The following LOXHD1 variants were observed in gnomAD, a reference collection of about 807,000 sequenced individuals.
The protein encoded by LOXHD1 is lipoxygenase homology domain-containing protein 1.
LOXHD1 carries 205 observed loss-of-function variants against 248.2 expected under a neutral mutation model. That is an observed-to-expected ratio of 0.83 (90% CI 0.74 to 0.93). The LOEUF (loss-of-function observed/expected upper bound fraction) is 0.93. Among genes scored for constraint, LOXHD1 ranks in the 40% least tolerant of loss-of-function variants. The pLI, the probability that LOXHD1 is intolerant of heterozygous loss-of-function variation, is 0.00. For missense variants in LOXHD1, 2,930 were observed against 2,971.6 expected (o/e 0.99, Z 0.33); for synonymous variants, 1,113 against 1,162.8 (o/e 0.96, Z 0.87).
chr18:46,534,498 A>G (rs889147978), intron 26 of LOXHD1, 47 bp from the exon 27 acceptor site: 4 of 1,450,300 alleles, frequency 2.8e-6, no homozygotes, highest in Non-Finnish European at 3.8e-6. Flanking sequence ...AAGATCCAGG[A>G]AAGTATGGCC....
chr18:46,631,262 T>C lies in LOXHD1; in HGVS notation c.511+8354A>G, dbSNP rs143217974. 2.2e-3 allele frequency among the ~76,000 whole-genome samples: 339 copies of C among 152,182 alleles called. 3 individuals carry two copies. Among genetic ancestry groups the C allele is most frequent in the Non-Finnish European group, 3.2e-3 (221 of 68,012 alleles). On this transcript the variant is annotated intron_variant, in intron 4 of 40. Transcript: ENST00000642948. Reference sequence around the variant, plus strand: ...ATTAGGAAGTTAGAGCCCTGAAATATGGTATTTCTTGGCAATGTATCCATC... The same window carrying C: ...ATTAGGAAGTTAGAGCCCTGAAATACGGTATTTCTTGGCAATGTATCCATC...
intron 5 of LOXHD1, among the ~76,000 whole-genome samples, chr18:46,616,727 T>A (rs1339449897): frequency 6.6e-6 from 1 of 152,206 alleles, no homozygotes; most frequent in Non-Finnish European, 1.5e-5. Context: ...ATAACCTAGC[T>A]GGTATAGAAT....
Position 46,649,139 on chromosome 18 carries a change from C to G in LOXHD1, c.245+16G>C. On this transcript the variant is annotated intron_variant, in intron 2 of 40. Coordinates refer to ENST00000642948, the MANE Select transcript of LOXHD1 (RefSeq NM_001384474.1). ...CTAATGGCCCAGGATCCCACCAAGG[C>G]CAAGTGGGTACTCACTTGCTGGTGA... 6.5e-7 allele frequency: 1 copy of G among 1,543,716 alleles called. No individual in the cohort carries two copies. The highest frequency in any genetic ancestry group is 8.8e-7 in the Non-Finnish European group (1 of 1,139,694).
intron 28 of LOXHD1, among the ~76,000 whole-genome samples, chr18:46,531,456 C>T (rs1023651139): frequency 2.0e-5 from 3 of 152,178 alleles, no homozygotes; most frequent in Non-Finnish European, 4.4e-5. Flanking sequence ...TTTGGGCCTG[C>T]TCCACATGTG....
intron 21 of LOXHD1, among the ~76,000 whole-genome samples, chr18:46,556,292 A>G (rs2037327488): frequency 6.6e-6 from 1 of 152,048 alleles, no homozygotes; most frequent in Non-Finnish European, 1.5e-5. Context: ...ATATTAAAAG[A>G]ATGTACTAGA....
At chr18:46,604,928 T>C (rs1245356682) in intron 6 of LOXHD1, among the ~76,000 whole-genome samples, 1 of 152,164 alleles carries the variant, frequency 6.6e-6, no homozygotes, top group Admixed American at 6.5e-5. Context: ...TAATACAATA[T>C]GGGCAGAGGA....
chr18:46,632,032 G>C (rs1446934366), intron 4 of LOXHD1, among the ~76,000 whole-genome samples: 1 of 152,240 alleles, frequency 6.6e-6, no homozygotes, highest in Non-Finnish European at 1.5e-5. Context: ...AATGGGAGCT[G>C]CTAGCCCTAG....
chr18:46,642,971 T>A (rs1287263038), intron 2 of LOXHD1, among the ~76,000 whole-genome samples: 1 of 152,194 alleles, frequency 6.6e-6, no homozygotes, highest in Non-Finnish European at 1.5e-5. Context: ...ATAGAAGATG[T>A]GTGCCATCAC....
At chr18:46,486,885 T>C (rs2033094988) in intron 38 of LOXHD1, among the ~76,000 whole-genome samples, 1 of 152,200 alleles carries the variant, frequency 6.6e-6, no homozygotes, top group Admixed American at 6.5e-5. Context: ...ATGTTGCTAG[T>C]CACATCTGTG....
chr18:46,543,556 A>G (rs1386901079), intron 23 of LOXHD1, among the ~76,000 whole-genome samples: 2 of 151,988 alleles, frequency 1.3e-5, no homozygotes, highest in African/African-American at 2.4e-5. Flanking sequence ...TCCTAAGGCT[A>G]TCCCTACCCT....
intron 37 of LOXHD1, among the ~76,000 whole-genome samples, chr18:46,505,015 G>A (rs1341450650): frequency 6.6e-6 from 1 of 152,188 alleles, no homozygotes; most frequent in South Asian, 2.1e-4. Flanking sequence ...CCAAAGAAAT[G>A]TTGAGAACAT....
rs760127693 is a variant in LOXHD1 at position 46,547,067 on chromosome 18, G to A, written c.3351-9C>T. Reference sequence around the variant, plus strand: ...GGCATGGAAAGTAGTACCTGTGGGGGTGGATAGGGAAAGATTGGAATGTCC... The same window carrying A: ...GGCATGGAAAGTAGTACCTGTGGGGATGGATAGGGAAAGATTGGAATGTCC... On this transcript the variant is annotated splice_polypyrimidine_tract_variant and intron_variant, in intron 21 of 40. Transcript: ENST00000642948. The A allele has an allele frequency of 1.3e-6, 2 of 1,551,592 alleles. No homozygotes were observed. Among genetic ancestry groups the A allele is most frequent in the East Asian group, 2.4e-5 (1 of 40,936 alleles).
chr18:46,521,924 G>A (rs1192990039), intron 32 of LOXHD1, among the ~76,000 whole-genome samples, 177 bp downstream of exon 32: 1 of 152,166 alleles, frequency 6.6e-6, no homozygotes, highest in African/African-American at 2.4e-5. Flanking sequence ...GACACACAGA[G>A]GGGCAGGTGG....
chr18:46,570,169 ACT>A (rs772270497), intron 15 of LOXHD1, among the ~76,000 whole-genome samples: 17 of 151,786 alleles, frequency 1.1e-4, no homozygotes, highest in Non-Finnish European at 2.2e-4. Flanking sequence ...CAGGAGTGAA[ACT>A]CTCATGTGGA....
chr18:46,567,090 G>C (rs567366590), intron 16 of LOXHD1, among the ~76,000 whole-genome samples: 4 of 152,386 alleles, frequency 2.6e-5, no homozygotes, highest in African/African-American at 9.6e-5. Flanking sequence ...GGGCAACATA[G>C]AGGGGAGTGC....
chr18:46,521,015 C>G (rs947236616), intron 33 of LOXHD1, 82 bp downstream of exon 33: 1 of 1,467,396 alleles, frequency 6.8e-7, no homozygotes, highest in South Asian at 1.3e-5. Context: ...CCTACTTCTT[C>G]CACTTCTGTC....
At chr18:46,629,614 G>C (rs2038792572) in intron 4 of LOXHD1, among the ~76,000 whole-genome samples, 2 of 151,988 alleles carry the variant, frequency 1.3e-5, no homozygotes, top group Admixed American at 6.5e-5. Context: ...ATCTGGAGCT[G>C]TGTGATAATC....
rs529247226 is a variant in LOXHD1, at chr18:46,610,795, G to T, written c.740C>A (p.Ala247Glu). 23 of 1,551,544 alleles carry T rather than the reference G, an allele frequency of 1.5e-5. No homozygotes were observed. In the Admixed American group the frequency reaches 2.7e-4, roughly 19 times the overall value. Residue 247 changes from alanine to glutamate, a missense_variant, in exon 6 of 41, where the codon GCA (alanine) becomes GAA (glutamate). By Grantham distance (107) the Ala-to-Glu change is moderately radical (BLOSUM62 -1). Coordinates refer to ENST00000642948, the MANE Select transcript of LOXHD1 (RefSeq NM_001384474.1). ...NVGHNNKGGS[A>E]GWFLSQIVIE... ...ACTCACCTGGGACAGGAACCAACCT[G>T]CAGAGCCCCCCTTATTGTTGTGGCC...
intron 4 of LOXHD1, among the ~76,000 whole-genome samples, chr18:46,633,696 A>T (rs1377242733): frequency 6.6e-6 from 1 of 152,266 alleles, no homozygotes; most frequent in Admixed American, 6.5e-5. Context: ...ATCGAATGGG[A>T]GAAAAATATT....
Sources: allele counts gnomAD v4.1 joint callset (sites outside exome capture counted in the v4.1 genomes callset), GRCh38; gene constraint gnomAD v4.1.1; transcripts MANE v1.5; gene names NCBI Gene and HGNC (gene_info 2026-07-23, HGNC 2026-07-21).